The following POU2F1 variants were observed in gnomAD, a reference collection of about 807,000 sequenced individuals.
The protein encoded by POU2F1 is POU domain, class 2, transcription factor 1.
A neutral mutation model predicts 84.9 loss-of-function variants in POU2F1; 16 were observed. That is an observed-to-expected ratio of 0.19 (90% CI 0.13 to 0.29). The LOEUF (loss-of-function observed/expected upper bound fraction) is 0.29, where lower values mean the gene tolerates loss of function less well. Ranked by LOEUF, POU2F1 falls within the 10% of genes least tolerant of loss-of-function variation. POU2F1 has a pLI of 1.00. For synonymous variants in POU2F1, 368 were observed against 368.3 expected (o/e 1.00, Z 0.01); for missense variants, 738 against 942.6 (o/e 0.78, Z 2.84).
intron 2 of POU2F1, among the ~76,000 whole-genome samples, chr1:167,359,812 G>GGT (rs1553214221): frequency 9.0e-5 from 12 of 132,748 alleles, no homozygotes; most frequent in African/African-American, 2.7e-4. Context: ...TGTGTACGTG[G>GGT]TTTTTTTTTT....
chr1:167,229,206 C>CAG (rs796123450), intron 1 of POU2F1, among the ~76,000 whole-genome samples: 3 of 151,066 alleles, frequency 2.0e-5, no homozygotes, highest in African/African-American at 4.9e-5. Flanking sequence ...GTGCCATGAT[C>CAG]AGAGCCCTTA....
intron 1 of POU2F1, among the ~76,000 whole-genome samples, chr1:167,273,737 G>C (rs1319652302): frequency 6.6e-6 from 1 of 152,220 alleles, no homozygotes; most frequent in Non-Finnish European, 1.5e-5. Flanking sequence ...ATAGGCTTCT[G>C]TATGAAAAGC....
intron 1 of POU2F1, among the ~76,000 whole-genome samples, chr1:167,286,982 C>G (rs548099912): frequency 6.6e-6 from 1 of 152,252 alleles, no homozygotes; most frequent in East Asian, 1.9e-4. Context: ...AAGTAAGGGC[C>G]TTTGTTCAAA....
chr1:167,260,352 A>G (rs1651465391), intron 1 of POU2F1, among the ~76,000 whole-genome samples: 1 of 152,166 alleles, frequency 6.6e-6, no homozygotes, highest in African/African-American at 2.4e-5. Flanking sequence ...ATGGACTCCT[A>G]ATGAAAACAA....
chr1:167,314,912 A>G (rs1655772882), intron 1 of POU2F1, among the ~76,000 whole-genome samples: 1 of 152,134 alleles, frequency 6.6e-6, no homozygotes, highest in Non-Finnish European at 1.5e-5. Context: ...ATGAGGGTGG[A>G]TCCCTCATAG....
intron 1 of POU2F1, chr1:167,329,150 C>T (rs1656905899): frequency 7.1e-7 from 1 of 1,405,376 alleles, no homozygotes; most frequent in Non-Finnish European, 9.4e-7. Context: ...CCCTACGCAA[C>T]CCCCCTCTTT....
chr1:167,372,604 G>A (rs949995178), intron 5 of POU2F1, among the ~76,000 whole-genome samples: 1 of 152,154 alleles, frequency 6.6e-6, no homozygotes, highest in Non-Finnish European at 1.5e-5. Context: ...TGTAAAGATT[G>A]GAGATAATAC....
At chr1:167,388,366 G>A (rs1000197149) in intron 8 of POU2F1, among the ~76,000 whole-genome samples, 9 of 152,112 alleles carry the variant, frequency 5.9e-5, no homozygotes, top group African/African-American at 1.7e-4. Context: ...GGGAACCAAC[G>A]TTATGATATG....
rs546215020 is a variant in POU2F1, at chr1:167,363,282, A to T, written c.128-2185A>T. ...CCTATTAGTAGTGTGTTAATCTTTTAAGTGCTTGTCTCGGTTTTTCAAAAT... is the reference window on the plus strand; with the variant it reads ...CCTATTAGTAGTGTGTTAATCTTTTTAGTGCTTGTCTCGGTTTTTCAAAAT... On this transcript the variant is annotated intron_variant, in intron 2 of 15. Transcript: ENST00000367866. Among the ~76,000 whole-genome samples, 7 of 152,234 alleles carry T rather than the reference A, an allele frequency of 4.6e-5. No individual in the cohort carries two copies. In the South Asian group the frequency reaches 1.5e-3, roughly 32 times the overall value.
At chr1:167,224,512 A>G (rs531148055) in intron 1 of POU2F1, among the ~76,000 whole-genome samples, 1 of 152,320 alleles carries the variant, frequency 6.6e-6, no homozygotes, top group African/African-American at 2.4e-5. Flanking sequence ...AAGTTTGTTC[A>G]TTTTGTTTTG....
chr1:167,279,764 G>A (rs1420016876), intron 1 of POU2F1, among the ~76,000 whole-genome samples: 1 of 152,130 alleles, frequency 6.6e-6, no homozygotes, highest in Non-Finnish European at 1.5e-5. Flanking sequence ...ATGGGAGTTG[G>A]GTGGGGACAG....
At chr1:167,403,907 G>GT (rs1017883629) in intron 13 of POU2F1, among the ~76,000 whole-genome samples, 25 of 151,932 alleles carry the variant, frequency 1.6e-4, no homozygotes, top group East Asian at 1.2e-3. Flanking sequence ...TGCCTTCACA[G>GT]TATTTTTTGG....
intron 2 of POU2F1, among the ~76,000 whole-genome samples, chr1:167,351,676 GTCT>G (rs886662996): frequency 9.2e-5 from 14 of 152,030 alleles, no homozygotes; most frequent in African/African-American, 3.4e-4. Context: ...GGCCCTTAAA[GTCT>G]TCTTGAAGGA....
At chr1:167,348,024 A>C (rs1237560758) in intron 2 of POU2F1, among the ~76,000 whole-genome samples, 1 of 152,138 alleles carries the variant, frequency 6.6e-6, no homozygotes, top group Admixed American at 6.5e-5. Context: ...TTGTTTGAGT[A>C]CTTGTTTTCA....
intron 6 of POU2F1, 112 bp from the exon 7 acceptor site, chr1:167,375,915 AAG>A (rs1385014852): frequency 7.8e-7 from 1 of 1,285,254 alleles, no homozygotes; most frequent in Non-Finnish European, 1.1e-6. Context: ...AAAGCATGCG[AAG>A]TATTTACTCT....
intron 1 of POU2F1, among the ~76,000 whole-genome samples, chr1:167,285,066 A>G (rs567887302): frequency 2.4e-4 from 36 of 152,348 alleles, no homozygotes; most frequent in African/African-American, 8.2e-4. Context: ...TGCAAGAGCA[A>G]TAGGCTTATT....
intron 1 of POU2F1, among the ~76,000 whole-genome samples, chr1:167,330,839 CTG>C (rs746968096): frequency 5.9e-5 from 9 of 152,082 alleles, no homozygotes; most frequent in African/African-American, 1.7e-4. Flanking sequence ...TGTGAGAAAA[CTG>C]TTACTCTTTT....
At chr1:167,394,346 A>G (rs1648651683) in intron 9 of POU2F1, among the ~76,000 whole-genome samples, 1 of 152,194 alleles carries the variant, frequency 6.6e-6, no homozygotes, top group Admixed American at 6.5e-5. Flanking sequence ...TTTAATAAAT[A>G]TATAGAGATA....
intron 1 of POU2F1, among the ~76,000 whole-genome samples, chr1:167,253,381 C>CG (rs1015974939): frequency 0.01 from 191 of 18,460 alleles, 18 homozygotes; most frequent in African/African-American, 0.018. Flanking sequence ...TTTCTGCCCC[C>CG]CCCCCCCCAA....
Sources: gnomAD v4.1 joint callset for allele counts (sites outside exome capture counted in the v4.1 genomes callset) on GRCh38, gnomAD v4.1.1 for gene constraint, MANE v1.5 for transcripts, NCBI Gene and HGNC (gene_info 2026-07-23, HGNC 2026-07-21) for gene names.